Variants in MTUS2 observed in about 807,000 individuals in gnomAD.
MTUS2 encodes the protein microtubule associated scaffold protein 2, also known as microtubule-associated tumor suppressor candidate 2.
Under a neutral mutation model 114.1 loss-of-function variants are expected in MTUS2, and 40 were observed. That is an observed-to-expected ratio of 0.35 (90% confidence interval 0.27 to 0.46). The LOEUF (loss-of-function observed/expected upper bound fraction) is 0.46. Among genes scored for constraint, MTUS2 ranks in the 20% least tolerant of loss-of-function variants. The pLI is 1.00. For synonymous variants in MTUS2, 688 were observed against 672.0 expected (o/e 1.02, Z -0.37); for missense variants, 1,679 against 1,705.4 (o/e 0.98, Z 0.27).
chr13:29,206,587 A>C (rs2139262774), intron 5 of MTUS2, among the ~76,000 whole-genome samples: 1 of 152,234 alleles, frequency 6.6e-6, no homozygotes, highest in East Asian at 1.9e-4. Context: ...TTTTTTTATA[A>C]GGTGAGAGAT....
intron 8 of MTUS2, among the ~76,000 whole-genome samples, chr13:29,378,371 C>T (rs1871919368): frequency 6.6e-6 from 1 of 151,880 alleles, no homozygotes; most frequent in African/African-American, 2.4e-5. Flanking sequence ...TTTACAGGAA[C>T]GTTAAACATA....
rs145633915 is a variant in MTUS2, at chr13:29,351,393, T to A, written c.2906-7869T>A. On this transcript the variant is annotated intron_variant, in intron 7 of 15. Transcript: ENST00000612955. The stretch of plus-strand genomic sequence containing the variant: ...ACTATATTTTCTGTCATCTCTCCCA[T>A]CCCCAAAACAAAACAAGCCATAACA... Among the ~76,000 whole-genome samples the A allele has an allele frequency of 9.8e-3, 1,484 of 151,996 alleles. 14 individuals are homozygous for A. Among genetic ancestry groups the A allele is most frequent in the African/African-American group, 0.033 (1,382 of 41,442 alleles).
At chr13:29,208,481 T>G (rs1244757576) in intron 5 of MTUS2, among the ~76,000 whole-genome samples, 1 of 151,872 alleles carries the variant, frequency 6.6e-6, no homozygotes, top group Non-Finnish European at 1.5e-5. Flanking sequence ...TTGTGTTTGG[T>G]TTTTTTTGTT....
At chr13:29,400,346 A>T (rs952679228) in intron 8 of MTUS2, among the ~76,000 whole-genome samples, 1 of 152,228 alleles carries the variant, frequency 6.6e-6, no homozygotes, top group Non-Finnish European at 1.5e-5. Flanking sequence ...CTCCAGTGAC[A>T]TGGTGGGGGG....
At position 29,128,229 on chromosome 13, in the gene MTUS2, A is replaced by G. The variant is rs74041739; in HGVS notation, c.2644+27259A>G. On this transcript the variant is annotated intron_variant, in intron 5 of 15. Transcript: ENST00000612955. ...CCTCCTGGGCCACTGCTGGGCAGGC[A>G]GGCCTTTCTCAGGCCGTGAAGACAT... 7.7e-3 allele frequency among the ~76,000 whole-genome samples: 1,168 copies of G among 152,346 alleles called. 15 individuals carry two copies. Among genetic ancestry groups the G allele is most frequent in the African/African-American group, 0.027 (1,109 of 41,564 alleles).
chr13:29,353,459 C>T (rs535041528), intron 7 of MTUS2, among the ~76,000 whole-genome samples: 1 of 152,106 alleles, frequency 6.6e-6, no homozygotes, highest in South Asian at 2.1e-4. Context: ...CACCACTGCA[C>T]ACAGCTGATT....
chr13:29,038,604 AG>A (rs1372172604), intron 4 of MTUS2, among the ~76,000 whole-genome samples: 1 of 152,198 alleles, frequency 6.6e-6, no homozygotes, highest in Admixed American at 6.5e-5. Context: ...CAGAGCCGAC[AG>A]GCAGGAATGT....
intron 8 of MTUS2, among the ~76,000 whole-genome samples, chr13:29,372,916 A>T (rs1356560987): frequency 6.6e-6 from 1 of 152,216 alleles, no homozygotes; most frequent in Non-Finnish European, 1.5e-5. Flanking sequence ...AACTGGACCA[A>T]ATGCATCAAG....
chr13:28,926,100 T>A (rs919498162), intron 2 of MTUS2, among the ~76,000 whole-genome samples: 1 of 152,218 alleles, frequency 6.6e-6, no homozygotes, highest in Non-Finnish European at 1.5e-5. Flanking sequence ...GGATGGGAAT[T>A]TTCCTCAGCT....
intron 5 of MTUS2, among the ~76,000 whole-genome samples, chr13:29,178,543 C>T (rs369165144): frequency 3.3e-5 from 5 of 152,212 alleles, no homozygotes; most frequent in African/African-American, 7.2e-5. Flanking sequence ...GGATGATTAG[C>T]AACATCCCTG....
At chr13:29,200,406 GT>G (rs1331627580) in intron 5 of MTUS2, among the ~76,000 whole-genome samples, 1 of 150,618 alleles carries the variant, frequency 6.6e-6, no homozygotes, top group Non-Finnish European at 1.5e-5. Flanking sequence ...GTTCTTATTA[GT>G]TTTTAAGAAC....
chr13:29,357,505 C>G (rs569656193), intron 7 of MTUS2, among the ~76,000 whole-genome samples: 1 of 152,236 alleles, frequency 6.6e-6, no homozygotes, highest in Admixed American at 6.5e-5. Context: ...AAATGGAAAA[C>G]AGCAATTGTG....
At chr13:29,042,338 CT>C (rs1380701088) in intron 4 of MTUS2, among the ~76,000 whole-genome samples, 2 of 152,092 alleles carry the variant, frequency 1.3e-5, no homozygotes, top group African/African-American at 4.8e-5. Flanking sequence ...GGAGGATTAC[CT>C]TTTTTGTATG....
chr13:29,389,341 G>GTATACACATATGTGTGTATGTATGTATA (rs1566172446), intron 8 of MTUS2, among the ~76,000 whole-genome samples: 1 of 79,990 alleles, frequency 1.3e-5, no homozygotes, highest in Non-Finnish European at 2.3e-5. Flanking sequence ...ATATATGTAT[G>GTATACACATATGTGTGTATGTATGTATA]CACGTGTGTG....
At chr13:29,281,593 G>A (rs912947509) in intron 5 of MTUS2, 111 bp from the exon 6 acceptor site, 73 of 1,200,502 alleles carry the variant, frequency 6.1e-5, no homozygotes, top group Non-Finnish European at 8.0e-5. Flanking sequence ...TAAGAATCAG[G>A]TCAAGTTCTA....
At chr13:28,845,496 G>A (rs142593690) in intron 2 of MTUS2, among the ~76,000 whole-genome samples, 293 of 152,212 alleles carry the variant, frequency 1.9e-3, no homozygotes, top group African/African-American at 5.3e-3. Flanking sequence ...CTAGTCTTTT[G>A]CTTATTCTTT....
At chr13:29,240,361 C>T (rs1384778677) in intron 5 of MTUS2, among the ~76,000 whole-genome samples, 1 of 152,192 alleles carries the variant, frequency 6.6e-6, no homozygotes, top group Non-Finnish European at 1.5e-5. Flanking sequence ...TCTCTCCCAA[C>T]TGTAAGAATT....
chr13:29,070,529 T>G (rs1180041980), intron 4 of MTUS2, among the ~76,000 whole-genome samples: 3 of 152,166 alleles, frequency 2.0e-5, no homozygotes, highest in Non-Finnish European at 4.4e-5. Flanking sequence ...GATTTCTTTT[T>G]TTTCCTCCTT....
chr13:28,933,353 A>G (rs1881724912), intron 2 of MTUS2, among the ~76,000 whole-genome samples: 1 of 152,200 alleles, frequency 6.6e-6, no homozygotes, highest in African/African-American at 2.4e-5. Flanking sequence ...CTGTTGCAGT[A>G]TTGAGGCAGA....
Sources: allele counts gnomAD v4.1 joint callset (sites outside exome capture counted in the v4.1 genomes callset), GRCh38; gene constraint gnomAD v4.1.1; transcripts MANE v1.5; gene names NCBI Gene and HGNC (gene_info 2026-07-23, HGNC 2026-07-21).